The following POLR1E variants were observed in gnomAD, a reference collection of about 807,000 sequenced individuals.
POLR1E encodes the protein DNA-directed RNA polymerase I subunit RPA49.
POLR1E carries 37 observed loss-of-function variants against 50.9 expected under a neutral mutation model. The ratio of observed to expected loss-of-function variants is 0.73; its 90% CI spans 0.56 to 0.96. The LOEUF (loss-of-function observed/expected upper bound fraction) is 0.96. Ranked by LOEUF, POLR1E falls within the 40% of genes least tolerant of loss-of-function variation. The pLI, the probability that POLR1E is intolerant of heterozygous loss-of-function variation, is 0.00. For missense variants in POLR1E, 426 were observed against 518.1 expected, an observed-to-expected ratio of 0.82 and a Z score of 1.73; for synonymous variants, 166 against 191.6, an observed-to-expected ratio of 0.87 and a Z score of 1.10.
chr9:37,492,641 TTG>T lies in POLR1E; in HGVS notation c.344-10_344-9del, dbSNP rs1275535635. ...AATTGACTTTTCTTTCTCTCTGTTT[TTG>T]TGTGTTTTGATAGATGTATCAGTTG... is the stretch of plus-strand genomic sequence containing the variant. On this transcript the variant is annotated splice_polypyrimidine_tract_variant and intron_variant, in intron 4 of 11. Transcript: ENST00000377798. 3 of 1,613,178 alleles carry T rather than the reference TTG, an allele frequency of 1.9e-6. No individual in the cohort carries two copies. The highest frequency in any genetic ancestry group is 1.1e-5 in the South Asian group (1 of 91,006).
intron 4 of POLR1E, chr9:37,490,371 G>A: frequency 1.6e-6 from 1 of 630,974 alleles, no homozygotes. Flanking sequence ...TCTACTCAAT[G>A]AAGAGAAACA....
chr9:37,493,601 C>T lies in POLR1E; in HGVS notation c.445C>T (p.Arg149Ter), dbSNP rs768792452. 52 of 1,609,568 alleles carry T rather than the reference C, an allele frequency of 3.2e-5. No homozygotes were observed. The highest frequency in any genetic ancestry group is 3.9e-5 in the Non-Finnish European group (46 of 1,177,642). ...AGCCTTTGGTACCACCAAACAGAAG[C>T]GAGCTCTGAACACCAGGAGAATGAA... Reference protein sequence around the residue: ...IEAFGTTKQKRALNTRRMNRV... With the variant: ...IEAFGTTKQK The change falls in exon 6 of 12, where the codon CGA becomes TGA. Residue 149 changes from arginine to a stop codon, truncating the protein, a stop_gained. Coordinates refer to ENST00000377798, the MANE Select transcript of POLR1E (RefSeq NM_022490.4). LOFTEE classifies it high-confidence loss of function.
chr9:37,502,824 A>G (rs1401991080), intron 11 of POLR1E, among the ~76,000 whole-genome samples: 1 of 152,144 alleles, frequency 6.6e-6, no homozygotes, highest in Non-Finnish European at 1.5e-5. Flanking sequence ...ACCCATATGG[A>G]TCTTTTGAAG....
chr9:37,496,203 C>G (rs999339883), intron 8 of POLR1E, among the ~76,000 whole-genome samples: 6 of 152,132 alleles, frequency 3.9e-5, no homozygotes, highest in Non-Finnish European at 7.3e-5. Context: ...GGACCTGCGA[C>G]AGGGCAGAGG....
At chr9:37,487,020 G>A (rs1339650478) in intron 2 of POLR1E, among the ~76,000 whole-genome samples, 2 of 152,198 alleles carry the variant, frequency 1.3e-5, no homozygotes, top group Non-Finnish European at 2.9e-5. Flanking sequence ...CTGCCCCTCT[G>A]CATCCCTGTG....
At chr9:37,501,192 G>A (rs1311997813) in intron 10 of POLR1E, among the ~76,000 whole-genome samples, 2 of 152,204 alleles carry the variant, frequency 1.3e-5, no homozygotes, top group African/African-American at 2.4e-5. Flanking sequence ...ACATACTTTT[G>A]AATAGCCCTT....
intron 2 of POLR1E, 39 bp downstream of exon 2, chr9:37,486,845 G>A: frequency 6.4e-7 from 1 of 1,572,836 alleles, no homozygotes; most frequent in Non-Finnish European, 8.6e-7. Flanking sequence ...ACTCTGCAGG[G>A]CTCAGAAGGC....
chr9:37,487,995 CA>C, intron 3 of POLR1E, 56 bp downstream of exon 3: 1 of 1,532,706 alleles, frequency 6.5e-7, no homozygotes, highest in South Asian at 1.1e-5. Flanking sequence ...GTGGTGGCAG[CA>C]CTGGCACTGC....
chr9:37,485,966 C>A lies in POLR1E; in HGVS notation c.-82C>A. The A allele has an allele frequency of 2.6e-6, 4 of 1,522,554 alleles. No individual in the cohort carries two copies. The highest frequency in any genetic ancestry group is 4.9e-5 in the East Asian group (2 of 40,978). 94.3% of individuals were successfully genotyped at this position (1,522,554 alleles called of 1,614,324 possible). On this transcript the variant is annotated 5_prime_UTR_variant, in exon 1 of 12. Transcript: ENST00000377798. The stretch of plus-strand genomic sequence containing the variant: ...GCCACGCCTTTTCCGGCCCGCAGCG[C>A]GGCCTGGGCTCCCGCGTGTTTAAAA...
intron 10 of POLR1E, among the ~76,000 whole-genome samples, chr9:37,501,314 C>T (rs1820883970): frequency 6.6e-6 from 1 of 152,246 alleles, no homozygotes; most frequent in Non-Finnish European, 1.5e-5. Flanking sequence ...GGGCTTCCTT[C>T]CTGCCATTTG....
rs117827323 is a variant in POLR1E, at chr9:37,493,541, G to C, written c.403-18G>C. 119 of 1,573,960 alleles carry C rather than the reference G, an allele frequency of 7.6e-5. 1 individual carries two copies. The East Asian group carries it at 2.0e-3, about 27-fold the overall frequency. On this transcript the variant is annotated intron_variant, in intron 5 of 11. Transcript: ENST00000377798. ...CTACCTGTCCTGTCCCCAGTAACCAGGTTTATCTCATAAACAGATGGATTC... is the reference window on the plus strand; with the variant it reads ...CTACCTGTCCTGTCCCCAGTAACCACGTTTATCTCATAAACAGATGGATTC...
chr9:37,490,502 T>A (rs773586111), intron 4 of POLR1E: 65 of 829,214 alleles, frequency 7.8e-5, no homozygotes, highest in Non-Finnish European at 1.2e-4. Flanking sequence ...CTTCTCTGGG[T>A]GGAGCAGGCT....
chr9:37,493,556 C>T lies in POLR1E; in HGVS notation c.403-3C>T, dbSNP rs377467779. On this transcript the variant is annotated splice_polypyrimidine_tract_variant and splice_region_variant and intron_variant, in intron 5 of 11. Transcript: ENST00000377798. ...CCAGTAACCAGGTTTATCTCATAAA[C>T]AGATGGATTCTTGTATTGAAGCCTT... 6 of 1,592,788 alleles carry T rather than the reference C, an allele frequency of 3.8e-6. No individual in the cohort carries two copies. Among genetic ancestry groups the T allele is most frequent in the Non-Finnish European group, 5.1e-6 (6 of 1,167,890 alleles).
At chr9:37,497,994 T>C in intron 8 of POLR1E, 97 bp from the exon 9 acceptor site, 1 of 1,407,520 alleles carries the variant, frequency 7.1e-7, no homozygotes, top group East Asian at 2.3e-5. Flanking sequence ...TGCGTCGGGG[T>C]GAGAGGCGCC....
At position 37,501,758 on chromosome 9, in the gene POLR1E, A is replaced by G. The variant is rs144858913; in HGVS notation, c.1014A>G (p.Ala338=). 4.3e-6 allele frequency: 7 copies of G among 1,614,090 alleles called. No individual in the cohort carries two copies. In the East Asian group the frequency reaches 1.1e-4, roughly 26 times the overall value. ...ISDSMKAKIT[A]YVIILALHIH... ...ATTCTATGAAGGCGAAGATTACTGC[A>G]TATGTGATCATACTTGCCTTGCACA... The change falls in exon 11 of 12, where the codon GCA becomes GCG. Residue 338 remains alanine (A), a synonymous_variant. Coordinates refer to ENST00000377798, the MANE Select transcript of POLR1E (RefSeq NM_022490.4).
At chr9:37,501,048 T>G (rs1820879439) in intron 10 of POLR1E, 127 bp downstream of exon 10, 2 of 928,494 alleles carry the variant, frequency 2.2e-6, no homozygotes. Flanking sequence ...CTGCTGCCAT[T>G]TGGAAGGCTC....
intron 7 of POLR1E, 35 bp from the exon 8 acceptor site, chr9:37,495,855 A>C (rs756125217): frequency 2.7e-6 from 4 of 1,486,290 alleles, no homozygotes; most frequent in Non-Finnish European, 3.8e-6. Flanking sequence ...GGATGTTTCT[A>C]TTTTGGTTGG....
intron 7 of POLR1E, 87 bp downstream of exon 7, chr9:37,495,363 G>A (rs1588803082): frequency 1.8e-6 from 2 of 1,104,452 alleles, no homozygotes; most frequent in East Asian, 2.4e-5. Context: ...GAGGGTGTCT[G>A]TGTTCTGTGA....
At chr9:37,487,066 A>G (rs1820590367) in intron 2 of POLR1E, among the ~76,000 whole-genome samples, 1 of 152,232 alleles carries the variant, frequency 6.6e-6, no homozygotes, top group Non-Finnish European at 1.5e-5. Context: ...AATCAGGCCT[A>G]GCCCCACTCA....
Sources: gnomAD v4.1 joint callset for allele counts (sites outside exome capture counted in the v4.1 genomes callset) on GRCh38, gnomAD v4.1.1 for gene constraint, MANE v1.5 for transcripts, NCBI Gene and HGNC (gene_info 2026-07-23, HGNC 2026-07-21) for gene names.